Variants in NRXN3 observed in about 807,000 individuals in gnomAD.
The protein encoded by NRXN3 is neurexin 3.
NRXN3 carries 32 observed loss-of-function variants against 137.6 expected under a neutral mutation model. The ratio of observed to expected loss-of-function variants is 0.23; its 90% confidence interval spans 0.18 to 0.31. NRXN3 has a LOEUF of 0.31. Among genes scored for constraint, NRXN3 ranks in the 10% least tolerant of loss-of-function variants. The pLI is 1.00. For synonymous variants in NRXN3, 798 were observed against 784.5 expected, an observed-to-expected ratio of 1.02 and a Z score of -0.29; for missense variants, 1,574 against 2,062.5, an observed-to-expected ratio of 0.76 and a Z score of 4.59.
chr14:78,459,144 A>T (rs2094843635), intron 4 of NRXN3, among the ~76,000 whole-genome samples: 1 of 152,230 alleles, frequency 6.6e-6, no homozygotes, highest in African/African-American at 2.4e-5. Flanking sequence ...AGACCTGGTT[A>T]TATTTTATTG....
At chr14:78,765,128 C>G (rs1313257057) in intron 8 of NRXN3, among the ~76,000 whole-genome samples, 1 of 152,010 alleles carries the variant, frequency 6.6e-6, no homozygotes, top group Non-Finnish European at 1.5e-5. Context: ...GGATTACCTT[C>G]CCTTCTTGTT....
chr14:78,436,980 A>T (rs1425295613), intron 4 of NRXN3, among the ~76,000 whole-genome samples: 2 of 152,242 alleles, frequency 1.3e-5, no homozygotes, highest in South Asian at 4.1e-4. Context: ...TTCAAAACCC[A>T]GCTCTGCTAT....
chr14:78,334,428 A>T (rs940839321), intron 4 of NRXN3, among the ~76,000 whole-genome samples: 3 of 152,074 alleles, frequency 2.0e-5, no homozygotes, highest in African/African-American at 7.2e-5. Context: ...TTGCTTCTCC[A>T]TCTATCTGAG....
chr14:79,078,295 G>T (rs182622716), intron 15 of NRXN3, among the ~76,000 whole-genome samples: 1 of 152,194 alleles, frequency 6.6e-6, no homozygotes, highest in East Asian at 1.9e-4. Context: ...TAAATCACTC[G>T]CATGTTAACC....
chr14:79,790,779 C>G (rs1374211927), intron 19 of NRXN3, among the ~76,000 whole-genome samples: 1 of 151,974 alleles, frequency 6.6e-6, no homozygotes, highest in South Asian at 2.1e-4. Context: ...TGCCACCACA[C>G]CTGGCTAATT....
intron 10 of NRXN3, among the ~76,000 whole-genome samples, chr14:78,860,354 C>G (rs1329129599): frequency 4.6e-5 from 7 of 152,094 alleles, no homozygotes; most frequent in Non-Finnish European, 8.8e-5. Flanking sequence ...CATTCAAGTT[C>G]ATGCTTAAAT....
intron 4 of NRXN3, among the ~76,000 whole-genome samples, chr14:78,613,077 C>G (rs1252497320): frequency 6.6e-6 from 1 of 152,196 alleles, no homozygotes; most frequent in Non-Finnish European, 1.5e-5. Flanking sequence ...GTGTAGAAAG[C>G]AAGTCCTTGA....
chr14:78,532,731 T>A (rs1387337939), intron 4 of NRXN3, among the ~76,000 whole-genome samples: 2 of 152,138 alleles, frequency 1.3e-5, no homozygotes, highest in Non-Finnish European at 2.9e-5. Context: ...TTATCTTCGC[T>A]TTCTTCTTCT....
At chr14:79,565,045 T>C (rs967947794) in intron 16 of NRXN3, among the ~76,000 whole-genome samples, 1 of 152,176 alleles carries the variant, frequency 6.6e-6, no homozygotes. Context: ...ATGTTTACCA[T>C]GGAACTGGTA....
At chr14:79,389,630 C>T (rs1176224864) in intron 15 of NRXN3, among the ~76,000 whole-genome samples, 1 of 152,196 alleles carries the variant, frequency 6.6e-6, no homozygotes, top group Non-Finnish European at 1.5e-5. Flanking sequence ...ATGCTTCATG[C>T]AATAAGGACT....
At chr14:78,544,189 T>C (rs557320654) in intron 4 of NRXN3, among the ~76,000 whole-genome samples, 2 of 152,318 alleles carry the variant, frequency 1.3e-5, no homozygotes, top group African/African-American at 4.8e-5. Context: ...TATCAAGTTA[T>C]ACCAAAGGCA....
chr14:78,995,063 G>A (rs2099527177), intron 15 of NRXN3, among the ~76,000 whole-genome samples: 1 of 152,118 alleles, frequency 6.6e-6, no homozygotes, highest in Non-Finnish European at 1.5e-5. Flanking sequence ...GTCATTATTA[G>A]AAATAACAGT....
chr14:79,256,854 AGT>A (rs888412601), intron 15 of NRXN3, among the ~76,000 whole-genome samples: 10 of 151,876 alleles, frequency 6.6e-5, no homozygotes, highest in African/African-American at 1.2e-4. Flanking sequence ...CAATGTTTAA[AGT>A]GTGTGTGTGT....
intron 10 of NRXN3, among the ~76,000 whole-genome samples, chr14:78,814,474 G>C (rs891507593): frequency 1.3e-5 from 2 of 152,256 alleles, no homozygotes; most frequent in African/African-American, 2.4e-5. Flanking sequence ...AATTAGCCGG[G>C]TGTGGTGGTG....
intron 10 of NRXN3, among the ~76,000 whole-genome samples, chr14:78,897,382 A>G (rs943600121): frequency 1.3e-5 from 2 of 151,830 alleles, no homozygotes; most frequent in Non-Finnish European, 2.9e-5. Context: ...GACAAGACCA[A>G]TGTGAAAATA....
intron 4 of NRXN3, among the ~76,000 whole-genome samples, chr14:78,543,608 A>G (rs1489021240): frequency 6.6e-6 from 1 of 152,070 alleles, no homozygotes; most frequent in African/African-American, 2.4e-5. Flanking sequence ...TACCCAATTT[A>G]GTGAGGTTAA....
At chr14:79,440,847 CTAGCT>C (rs1193559719) in intron 15 of NRXN3, among the ~76,000 whole-genome samples, 3 of 152,202 alleles carry the variant, frequency 2.0e-5, no homozygotes, top group South Asian at 4.2e-4. Flanking sequence ...ATCTGGTGTG[CTAGCT>C]TAGATGGCTC....
At chr14:78,565,641 C>T (rs1208712412) in intron 4 of NRXN3, among the ~76,000 whole-genome samples, 2 of 152,074 alleles carry the variant, frequency 1.3e-5, no homozygotes, top group East Asian at 3.9e-4. Context: ...CTATGAGGTG[C>T]CAGTGTGATA....
intron 15 of NRXN3, among the ~76,000 whole-genome samples, chr14:79,061,155 G>T (rs1375288473): frequency 6.6e-6 from 1 of 152,160 alleles, no homozygotes; most frequent in Non-Finnish European, 1.5e-5. Flanking sequence ...AATTTATTAA[G>T]TACCTTCTAT....
Sources: gnomAD v4.1 joint callset for allele counts (sites outside exome capture counted in the v4.1 genomes callset) on GRCh38, gnomAD v4.1.1 for gene constraint, MANE v1.5 for transcripts, NCBI Gene and HGNC (gene_info 2026-07-23, HGNC 2026-07-21) for gene names.